RELN: variants seen among roughly 807,000 people sequenced by gnomAD.
RELN encodes the protein reelin.
In RELN, 108 loss-of-function variants were observed where a neutral mutation model predicts 427.6. The observed-to-expected ratio is 0.25, with a 90% CI of 0.22 to 0.30. The LOEUF (loss-of-function observed/expected upper bound fraction) is 0.30, where lower values mean the gene tolerates loss of function less well. Ranked by LOEUF, RELN falls within the 10% of genes least tolerant of loss-of-function variation. The probability of loss-of-function intolerance (pLI) is 1.00; values close to 1 mark genes in which losing one functional copy is unlikely to be tolerated. For missense variants in RELN, 3,715 were observed against 4,302.8 expected (o/e 0.86, Z 3.82); for synonymous variants, 1,524 against 1,513.4 (o/e 1.01, Z -0.16).
chr7:103,863,486 T>C (rs571016977), intron 2 of RELN, among the ~76,000 whole-genome samples: 1 of 152,276 alleles, frequency 6.6e-6, no homozygotes, highest in East Asian at 1.9e-4. Context: ...ATTCCAAAAA[T>C]CCTGTATCCC....
intron 46 of RELN, among the ~76,000 whole-genome samples, chr7:103,527,335 T>A (rs1464019065): frequency 6.6e-6 from 1 of 152,212 alleles, no homozygotes; most frequent in Admixed American, 6.5e-5. Context: ...GCCTAGAAAA[T>A]CTAGCCTAAC....
At chr7:103,733,267 A>T (rs865954670) in intron 6 of RELN, among the ~76,000 whole-genome samples, 2 of 151,372 alleles carry the variant, frequency 1.3e-5, no homozygotes, top group South Asian at 4.2e-4. Context: ...TTAGAATGGC[A>T]ATCATTAAAA....
chr7:103,766,755 C>G (rs944214373), intron 4 of RELN, among the ~76,000 whole-genome samples: 1 of 152,208 alleles, frequency 6.6e-6, no homozygotes, highest in Non-Finnish European at 1.5e-5. Context: ...TTAGAGAGCA[C>G]AGCCACAGTT....
intron 11 of RELN, 71 bp from the exon 12 acceptor site, chr7:103,661,598 GT>G (rs1833145825): frequency 7.2e-7 from 1 of 1,396,878 alleles, no homozygotes; most frequent in Non-Finnish European, 1.0e-6. Context: ...ATAACATTTA[GT>G]TTTTAGTGAG....
In RELN at chr7:103,900,937, G is replaced by C. The variant is rs73403931; in HGVS notation, c.337+16138C>G. Among the ~76,000 whole-genome samples the C allele has an allele frequency of 9.3e-3, 1,416 of 151,548 alleles. 25 individuals carry two copies. The highest frequency in any genetic ancestry group is 0.033 in the African/African-American group (1,347 of 41,354). ...CATTCAGGATGTAGGCATGGGCAAA[G>C]ATGTAAATAGATGTTCTTTGGGGTG... is the stretch of plus-strand genomic sequence containing the variant. On this transcript the variant is annotated intron_variant, in intron 2 of 64. Transcript: ENST00000428762.
At chr7:103,717,480 C>A (rs74424179) in intron 8 of RELN, among the ~76,000 whole-genome samples, 36,950 of 146,512 alleles carry the variant, frequency 0.25, 4,616 homozygotes, top group South Asian at 0.38. Flanking sequence ...ATATATAAAA[C>A]AAAAAAAAAA....
chr7:103,494,287 A>G (rs1221210538), intron 57 of RELN, among the ~76,000 whole-genome samples: 2 of 152,112 alleles, frequency 1.3e-5, no homozygotes, highest in African/African-American at 4.8e-5. Flanking sequence ...CTGTCATTGT[A>G]GTACATCAAA....
At chr7:103,770,404 C>A (rs889739672) in intron 4 of RELN, among the ~76,000 whole-genome samples, 3 of 152,138 alleles carry the variant, frequency 2.0e-5, no homozygotes, top group African/African-American at 7.2e-5. Context: ...CTTACAATAA[C>A]AATTCCTTTT....
Position 103,495,908 on chromosome 7 carries a change from A to G in RELN, c.9194-10T>C, listed in dbSNP as rs1242391167. ...TCATGGGAAGTGCCTTCTGTTAAGG[A>G]AAATTGGAAGCAATATGGCATATTA... On this transcript the variant is annotated splice_polypyrimidine_tract_variant and intron_variant, in intron 56 of 64. Coordinates refer to ENST00000428762, the MANE Select transcript of RELN (RefSeq NM_005045.4). 5 of 1,613,546 alleles carry G rather than the reference A, an allele frequency of 3.1e-6. No homozygotes were observed. The highest frequency in any genetic ancestry group is 1.7e-4 in the Middle Eastern group (1 of 6,054).
chr7:103,872,702 TCTCCACATC>T (rs1794377110), intron 2 of RELN, among the ~76,000 whole-genome samples: 1 of 147,428 alleles, frequency 6.8e-6, no homozygotes. Context: ...TGTTCCTATT[TCTCCACATC>T]CTCTCCAGCA....
intron 60 of RELN, 28 bp downstream of exon 60, chr7:103,489,714 A>G (rs755528775): frequency 1.9e-6 from 3 of 1,612,850 alleles, no homozygotes; most frequent in African/African-American, 1.3e-5. Flanking sequence ...GGTCTCCTCT[A>G]TCAAAGTTGG....
chr7:103,551,977 C>T (rs917818828), intron 40 of RELN, among the ~76,000 whole-genome samples: 1 of 151,222 alleles, frequency 6.6e-6, no homozygotes, highest in African/African-American at 2.4e-5. Context: ...CATCTAAAAT[C>T]TATTAACACA....
chr7:103,706,734 C>G (rs929121563), intron 8 of RELN, among the ~76,000 whole-genome samples: 4 of 151,838 alleles, frequency 2.6e-5, no homozygotes, highest in Non-Finnish European at 5.9e-5. Flanking sequence ...GCTCATGACT[C>G]AAGGCCATAA....
chr7:103,958,495 C>T (rs1323947823), intron 1 of RELN, among the ~76,000 whole-genome samples: 1 of 152,168 alleles, frequency 6.6e-6, no homozygotes, highest in African/African-American at 2.4e-5. Flanking sequence ...CTTAGCCACT[C>T]AATCATCTCC....
intron 31 of RELN, among the ~76,000 whole-genome samples, chr7:103,571,207 C>A (rs1830874775): frequency 6.6e-6 from 1 of 152,222 alleles, no homozygotes; most frequent in Non-Finnish European, 1.5e-5. Context: ...CACAGTCATA[C>A]TGAGATATTA....
At chr7:103,688,211 A>T (rs1308011439) in intron 10 of RELN, among the ~76,000 whole-genome samples, 2 of 152,266 alleles carry the variant, frequency 1.3e-5, no homozygotes, top group Admixed American at 6.5e-5. Flanking sequence ...TAATGAAAAA[A>T]GACATGGGAA....
intron 7 of RELN, among the ~76,000 whole-genome samples, chr7:103,727,056 A>T (rs1344640580): frequency 6.6e-6 from 1 of 152,180 alleles, no homozygotes; most frequent in Admixed American, 6.6e-5. Flanking sequence ...TTCAAGCATC[A>T]TAAAATAAGA....
intron 1 of RELN, among the ~76,000 whole-genome samples, chr7:103,924,708 A>C (rs762739353): frequency 6.6e-6 from 1 of 152,114 alleles, no homozygotes. Flanking sequence ...CGTAGCCTCT[A>C]AGTCTTATTT....
At chr7:103,581,034 G>C (rs1831119238) in intron 28 of RELN, among the ~76,000 whole-genome samples, 1 of 152,186 alleles carries the variant, frequency 6.6e-6, no homozygotes. Context: ...GCAGGAAGGA[G>C]AATGACATTG....
Sources: gnomAD v4.1 joint callset for allele counts (sites outside exome capture counted in the v4.1 genomes callset) on GRCh38, gnomAD v4.1.1 for gene constraint, MANE v1.5 for transcripts, NCBI Gene and HGNC (gene_info 2026-07-23, HGNC 2026-07-21) for gene names.